The following NRXN3 variants were observed in gnomAD, a reference collection of about 807,000 sequenced individuals.
NRXN3 encodes neurexin III.
Under a neutral mutation model 137.6 loss-of-function variants are expected in NRXN3, and 32 were observed. That is an observed-to-expected ratio of 0.23 (90% CI 0.18 to 0.31). NRXN3 has a LOEUF of 0.31. NRXN3 is among the 10% of genes least tolerant of loss of function. The pLI is 1.00. For synonymous variants in NRXN3, 798 were observed against 784.5 expected (o/e 1.02, Z -0.29); for missense variants, 1,574 against 2,062.5 (o/e 0.76, Z 4.59).
chr14:78,575,298 A>G (rs2096926262), intron 4 of NRXN3, among the ~76,000 whole-genome samples: 1 of 152,204 alleles, frequency 6.6e-6, no homozygotes, highest in South Asian at 2.1e-4. Context: ...TAGGATGGTA[A>G]TATAATAAAC....
chr14:79,452,521 A>G (rs2096192144), intron 15 of NRXN3, among the ~76,000 whole-genome samples: 1 of 152,216 alleles, frequency 6.6e-6, no homozygotes, highest in African/African-American at 2.4e-5. Flanking sequence ...GAATAAAAGC[A>G]TAAGACCAGG....
chr14:79,094,972 G>GAC (rs2049979614), intron 15 of NRXN3, among the ~76,000 whole-genome samples: 1 of 111,626 alleles, frequency 9.0e-6, no homozygotes, highest in Non-Finnish European at 2.0e-5. Flanking sequence ...GAGAGAGAGA[G>GAC]AGAGAGAGTG....
intron 15 of NRXN3, among the ~76,000 whole-genome samples, chr14:79,164,424 G>A (rs560146584): frequency 6.6e-6 from 1 of 151,996 alleles, no homozygotes; most frequent in East Asian, 1.9e-4. Flanking sequence ...TAAACATCTA[G>A]TCCATTTTGT....
intron 15 of NRXN3, among the ~76,000 whole-genome samples, chr14:79,033,851 G>A (rs1166564679): frequency 3.9e-5 from 6 of 152,012 alleles, no homozygotes; most frequent in South Asian, 2.1e-4. Context: ...AGTTTCAGCC[G>A]GAGCTCTTAA....
chr14:79,370,761 C>G (rs1025058766), intron 15 of NRXN3, among the ~76,000 whole-genome samples: 11 of 152,272 alleles, frequency 7.2e-5, no homozygotes, highest in Admixed American at 5.2e-4. Context: ...AAACTTTCTT[C>G]TTCTTTTCAA....
chr14:79,839,132 GGTA>G, intron 20 of NRXN3, among the ~76,000 whole-genome samples: 1 of 151,866 alleles, frequency 6.6e-6, no homozygotes, highest in Non-Finnish European at 1.5e-5. Context: ...TTAAGCAGAG[GGTA>G]CTTTCTTATG....
chr14:78,614,832 T>C (rs1327085082), intron 4 of NRXN3: 4 of 383,316 alleles, frequency 1.0e-5, no homozygotes, highest in South Asian at 7.7e-5. Context: ...ACAACTCTTG[T>C]GGGCCCTTAT....
chr14:78,767,258 T>A (rs943530431), intron 8 of NRXN3, among the ~76,000 whole-genome samples: 6 of 152,198 alleles, frequency 3.9e-5, no homozygotes, highest in African/African-American at 1.2e-4. Flanking sequence ...TTCCCTGACA[T>A]GTGGCCTTTC....
chr14:78,634,361 G>A (rs1266883058), intron 4 of NRXN3, among the ~76,000 whole-genome samples: 4 of 152,136 alleles, frequency 2.6e-5, no homozygotes, highest in Non-Finnish European at 4.4e-5. Flanking sequence ...CAATTCCACA[G>A]GTCTTTACTT....
chr14:79,055,374 G>T (rs374214021), intron 15 of NRXN3, among the ~76,000 whole-genome samples: 16 of 152,252 alleles, frequency 1.1e-4, no homozygotes, highest in Admixed American at 2.0e-4. Flanking sequence ...ATATTACTCC[G>T]ACTGTACAGG....
rs1304129490 is a variant in NRXN3, at chr14:78,943,655, T to A, written c.2276-13587T>A. Among the ~76,000 whole-genome samples the A allele has an allele frequency of 6.5e-4, 49 of 75,704 alleles. 2 individuals carry two copies. The highest frequency in any genetic ancestry group is 2.4e-3 in the African/African-American group (31 of 12,856). 49.7% of individuals were successfully genotyped at this position (75,704 alleles called of 152,430 possible). A position where few individuals can be genotyped will look rare whatever the true frequency, so the allele number is the denominator to read the frequency against. On this transcript the variant is annotated intron_variant, in intron 10 of 20. Coordinates refer to ENST00000335750, the MANE Select transcript of NRXN3 (RefSeq NM_001330195.2). ...ATATATATATATATATATATATATA[T>A]ATATATATATATATATATATATATC...
intron 15 of NRXN3, among the ~76,000 whole-genome samples, chr14:79,444,693 T>A (rs2096026973): frequency 6.6e-6 from 1 of 152,182 alleles, no homozygotes; most frequent in Non-Finnish European, 1.5e-5. Context: ...CTGGACATGG[T>A]GACCCATGCC....
intron 1 of NRXN3, 27 bp downstream of exon 1, chr14:78,170,701 G>C (rs2058637874): frequency 6.6e-6 from 1 of 152,302 alleles, no homozygotes; most frequent in African/African-American, 2.4e-5. Context: ...AAGGAAGGCA[G>C]TCAGGGCATG....
rs79665099 is a variant in NRXN3, at chr14:78,304,668, A to G, written c.757+6808A>G. ...AATACCTTCCCTTGAAACTGAACTCAGGGCAGGGGTCACAGACCCAAAAGC... is the reference window on the plus strand; with the variant it reads ...AATACCTTCCCTTGAAACTGAACTCGGGGCAGGGGTCACAGACCCAAAAGC... On this transcript the variant is annotated intron_variant, in intron 4 of 20. Coordinates refer to ENST00000335750, the MANE Select transcript of NRXN3 (RefSeq NM_001330195.2). Among the ~76,000 whole-genome samples the G allele has an allele frequency of 8.2e-3, 1,256 of 152,304 alleles. 17 individuals carry two copies. Among genetic ancestry groups the G allele is most frequent in the Middle Eastern group, 0.024 (7 of 294 alleles).
intron 16 of NRXN3, among the ~76,000 whole-genome samples, chr14:79,487,656 G>A (rs1601043327): frequency 6.8e-6 from 1 of 146,124 alleles, no homozygotes; most frequent in East Asian, 2.8e-4. Context: ...GCAGCTGCAG[G>A]GTTACAGGGG....
intron 15 of NRXN3, among the ~76,000 whole-genome samples, chr14:79,332,773 T>C (rs1247946423): frequency 6.6e-6 from 1 of 152,182 alleles, no homozygotes; most frequent in East Asian, 1.9e-4. Context: ...TTTAGTTCCA[T>C]ATTCACAGCG....
chr14:79,816,993 A>G (rs1326537093), intron 20 of NRXN3, among the ~76,000 whole-genome samples: 4 of 152,132 alleles, frequency 2.6e-5, no homozygotes, highest in African/African-American at 7.2e-5. Flanking sequence ...CAAGATAGAT[A>G]ATTTGATTGG....
intron 8 of NRXN3, among the ~76,000 whole-genome samples, chr14:78,725,081 C>T (rs2098477081): frequency 6.6e-6 from 1 of 152,222 alleles, no homozygotes; most frequent in South Asian, 2.1e-4. Context: ...ACAGAGCCTT[C>T]TAAGAGGCCA....
At chr14:79,560,508 T>TTTTTTTTTTTTG in intron 16 of NRXN3, among the ~76,000 whole-genome samples, 1 of 96,490 alleles carries the variant, frequency 1.0e-5, no homozygotes. Flanking sequence ...TGTAAGCTTT[T>TTTTTTTTTTTTG]TTTTTTTTTT....
Sources: allele counts gnomAD v4.1 joint callset (sites outside exome capture counted in the v4.1 genomes callset), GRCh38; gene constraint gnomAD v4.1.1; transcripts MANE v1.5; gene names NCBI Gene and HGNC (gene_info 2026-07-23, HGNC 2026-07-21).